ZRANB3: variants seen among roughly 807,000 people sequenced by gnomAD.
The protein encoded by ZRANB3 is zinc finger RANBP2-type containing 3.
ZRANB3 carries 125 observed loss-of-function variants against 133.8 expected under a neutral mutation model. The ratio of observed to expected loss-of-function variants is 0.93; its 90% confidence interval spans 0.81 to 1.08. The LOEUF (loss-of-function observed/expected upper bound fraction) is 1.08, where lower values mean the gene tolerates loss of function less well. ZRANB3 is among the 50% of genes least tolerant of loss of function. The pLI, the probability that ZRANB3 is intolerant of heterozygous loss-of-function variation, is 0.00. For missense variants in ZRANB3, 1,229 were observed against 1,275.5 expected (o/e 0.96, Z 0.56); for synonymous variants, 387 against 432.7 (o/e 0.89, Z 1.31).
At chr2:135,402,335 C>T (rs1386458417) in intron 2 of ZRANB3, among the ~76,000 whole-genome samples, 1 of 149,374 alleles carries the variant, frequency 6.7e-6, no homozygotes, top group Admixed American at 6.7e-5. Context: ...CGCTCTGTTG[C>T]CCGGGCTGCA....
chr2:135,477,601 C>A (rs1211502282), intron 2 of ZRANB3, among the ~76,000 whole-genome samples: 3 of 152,172 alleles, frequency 2.0e-5, no homozygotes, highest in Non-Finnish European at 4.4e-5. Context: ...GCTCTCTTAA[C>A]CTTAGACCTC....
intron 2 of ZRANB3, among the ~76,000 whole-genome samples, chr2:135,432,089 A>G (rs1689347363): frequency 6.6e-6 from 1 of 152,026 alleles, no homozygotes; most frequent in Non-Finnish European, 1.5e-5. Context: ...TGTCTCTGCT[A>G]AAAATACAAA....
chr2:135,271,689 A>G (rs1419625658), intron 10 of ZRANB3, 79 bp downstream of exon 10: 1 of 1,479,904 alleles, frequency 6.8e-7, no homozygotes, highest in Non-Finnish European at 9.0e-7. Context: ...ACAAGTTTAT[A>G]AACCAAAGTT....
chr2:135,421,855 C>T (rs1688857944), intron 2 of ZRANB3, among the ~76,000 whole-genome samples: 1 of 150,002 alleles, frequency 6.7e-6, no homozygotes, highest in Admixed American at 6.6e-5. Flanking sequence ...TCTTGTTCTC[C>T]TCCTTCTTGA....
At chr2:135,503,013 T>C (rs895507492) in intron 2 of ZRANB3, among the ~76,000 whole-genome samples, 3 of 152,214 alleles carry the variant, frequency 2.0e-5, no homozygotes, top group Admixed American at 6.5e-5. Context: ...TCCATTTATA[T>C]AAACCATTAA....
intron 8 of ZRANB3, among the ~76,000 whole-genome samples, chr2:135,306,064 C>T (rs959087112): frequency 2.6e-5 from 4 of 152,162 alleles, no homozygotes; most frequent in African/African-American, 7.2e-5. Flanking sequence ...CAGACCTTTT[C>T]AGGTTGTATC....
chr2:135,367,373 G>A (rs886649795), intron 3 of ZRANB3, among the ~76,000 whole-genome samples: 2 of 152,274 alleles, frequency 1.3e-5, no homozygotes, highest in East Asian at 3.9e-4. Flanking sequence ...CTTAGCTGGG[G>A]TCCTCTCATC....
intron 2 of ZRANB3, among the ~76,000 whole-genome samples, chr2:135,434,601 T>C (rs1179658908): frequency 6.6e-6 from 1 of 152,228 alleles, no homozygotes; most frequent in Admixed American, 6.5e-5. Flanking sequence ...TGTTACTCTT[T>C]ATTTTGTCAT....
Position 135,504,465 on chromosome 2 carries a change from T to C in ZRANB3, c.25A>G (p.Lys9Glu). MPRVHNIK[K>E]SLTPHISCVT... ...CAAGAAATGTGAGGTGTAAGAGACT[T>C]TTTTATGTTATGAACCCTAGGCATG... The change falls in exon 2 of 21, where the codon AAG becomes GAG. Residue 9 changes from lysine to glutamate, a missense_variant. Coordinates refer to ENST00000264159, the MANE Select transcript of ZRANB3 (RefSeq NM_032143.4). 6.2e-7 allele frequency: 1 copy of C among 1,613,134 alleles called. No individual in the cohort carries two copies. Among genetic ancestry groups the C allele is most frequent in the South Asian group, 1.1e-5 (1 of 90,850 alleles).
intron 2 of ZRANB3, among the ~76,000 whole-genome samples, chr2:135,495,741 T>C (rs968251366): frequency 3.9e-5 from 6 of 152,158 alleles, no homozygotes; most frequent in Non-Finnish European, 7.3e-5. Flanking sequence ...TTTAGGAGGA[T>C]GGGGTTGTTT....
chr2:135,514,761 T>C (rs1250810233), intron 1 of ZRANB3, among the ~76,000 whole-genome samples: 1 of 152,218 alleles, frequency 6.6e-6, no homozygotes, highest in Non-Finnish European at 1.5e-5. Flanking sequence ...CAGTATGATA[T>C]TGGCTGTGGG....
chr2:135,450,676 C>T (rs910143430), intron 2 of ZRANB3, among the ~76,000 whole-genome samples: 1 of 152,152 alleles, frequency 6.6e-6, no homozygotes, highest in East Asian at 1.9e-4. Flanking sequence ...TTTTAAGACA[C>T]TGGACATGAG....
At chr2:135,388,978 T>A (rs1687104521) in intron 3 of ZRANB3, among the ~76,000 whole-genome samples, 1 of 152,128 alleles carries the variant, frequency 6.6e-6, no homozygotes. Context: ...CTCGGGAGGC[T>A]GAGGCAGGAG....
At chr2:135,403,929 A>C (rs894349132) in intron 2 of ZRANB3, among the ~76,000 whole-genome samples, 23 of 152,210 alleles carry the variant, frequency 1.5e-4, no homozygotes, top group African/African-American at 5.3e-4. Context: ...CAGAAAGGAC[A>C]TCCACAGCAA....
chr2:135,264,222 C>T (rs1680109179), intron 12 of ZRANB3, among the ~76,000 whole-genome samples: 1 of 151,378 alleles, frequency 6.6e-6, no homozygotes. Flanking sequence ...CCTGTAATCC[C>T]AGCACTTTGG....
At chr2:135,306,205 C>T (rs968833149) in intron 8 of ZRANB3, among the ~76,000 whole-genome samples, 4 of 152,066 alleles carry the variant, frequency 2.6e-5, no homozygotes, top group Non-Finnish European at 5.9e-5. Context: ...TCTGGAATAC[C>T]CCAAATTTAA....
chr2:135,528,908 A>C (rs1279485294), intron 1 of ZRANB3, among the ~76,000 whole-genome samples: 1 of 152,240 alleles, frequency 6.6e-6, no homozygotes, highest in Non-Finnish European at 1.5e-5. Flanking sequence ...AAACGTGCTT[A>C]TTTTAATCCA....
intron 8 of ZRANB3, among the ~76,000 whole-genome samples, chr2:135,296,381 G>C (rs1490999535): frequency 6.6e-6 from 1 of 152,120 alleles, no homozygotes; most frequent in Non-Finnish European, 1.5e-5. Flanking sequence ...GGCTACTGAG[G>C]CTTGTGCCTT....
intron 2 of ZRANB3, among the ~76,000 whole-genome samples, chr2:135,420,091 T>TTATATATATATATATATATATATATATA (rs201217358): frequency 5.5e-5 from 4 of 72,470 alleles, no homozygotes; most frequent in African/African-American, 7.7e-5. Flanking sequence ...TATCTTAGAT[T>TTATATATATATATATATATATATATATA]TATATATATA....
Sources: allele counts gnomAD v4.1 joint callset (sites outside exome capture counted in the v4.1 genomes callset), GRCh38; gene constraint gnomAD v4.1.1; transcripts MANE v1.5; gene names NCBI Gene and HGNC (gene_info 2026-07-23, HGNC 2026-07-21).